Variants in PRKN observed in about 807,000 individuals in gnomAD.
The protein encoded by PRKN is E3 ubiquitin-protein ligase parkin.
Under a neutral mutation model 59.5 loss-of-function variants are expected in PRKN, and 56 were observed. That is an observed-to-expected ratio of 0.94 (90% CI 0.76 to 1.18). The LOEUF (loss-of-function observed/expected upper bound fraction) is 1.18. Ranked by LOEUF, PRKN falls within the 50% of genes most tolerant of loss-of-function variation. The pLI is 0.00. For synonymous variants in PRKN, 250 were observed against 222.1 expected (o/e 1.13, Z -1.12); for missense variants, 657 against 596.4 (o/e 1.10, Z -1.06).
At position 161,385,280 on chromosome 6, in the gene PRKN, C is replaced by A. The variant is rs1175755025; in HGVS notation, c.1167+1514G>T. 6.6e-6 allele frequency among the ~76,000 whole-genome samples: 1 copy of A among 152,112 alleles called. No individual in the cohort carries two copies. Among genetic ancestry groups the A allele is most frequent in the African/African-American group, 2.4e-5 (1 of 41,406 alleles). On this transcript the variant is annotated intron_variant, in intron 10 of 11. Transcript: ENST00000366898. The surrounding 1 kb of genome is among the most constrained non-coding windows in gnomAD (Gnocchi z 4.9). ...CTAGAGAGTCTAGCAGCTGCTTGAC[C>A]CACCCAAATGCTCAACTTAATGTCT...
chr6:162,184,150 G>T (rs1583166094), intron 4 of PRKN, among the ~76,000 whole-genome samples: 1 of 152,132 alleles, frequency 6.6e-6, no homozygotes, highest in Admixed American at 6.6e-5. Flanking sequence ...ATCAACTTTT[G>T]CTAATTAATG....
At chr6:162,198,285 C>A (rs1452520954) in intron 4 of PRKN, among the ~76,000 whole-genome samples, 2 of 152,002 alleles carry the variant, frequency 1.3e-5, no homozygotes, top group African/African-American at 4.8e-5. Flanking sequence ...AGGGATTGAA[C>A]ATCCCTCCCA....
At chr6:162,310,862 G>C (rs1782478408) in intron 2 of PRKN, among the ~76,000 whole-genome samples, 1 of 151,884 alleles carries the variant, frequency 6.6e-6, no homozygotes, top group Non-Finnish European at 1.5e-5. Context: ...CATACCTTTA[G>C]GGTCAATGAA....
chr6:161,930,335 T>C (rs923889130), intron 6 of PRKN, among the ~76,000 whole-genome samples: 3 of 152,224 alleles, frequency 2.0e-5, no homozygotes, highest in African/African-American at 7.2e-5. Flanking sequence ...ATAAATAGTG[T>C]CCAGAAAGCA....
intron 6 of PRKN, among the ~76,000 whole-genome samples, chr6:161,969,280 T>C (rs1780708803): frequency 6.6e-6 from 1 of 151,710 alleles, no homozygotes. Flanking sequence ...TTTTTTTTTT[T>C]TTTTTTAACT....
At chr6:161,815,295 T>C (rs1791728195) in intron 6 of PRKN, among the ~76,000 whole-genome samples, 1 of 152,222 alleles carries the variant, frequency 6.6e-6, no homozygotes, top group East Asian at 1.9e-4. Flanking sequence ...GTATTGTACT[T>C]TGAATTCAAA....
chr6:161,860,050 G>T (rs1344064134), intron 6 of PRKN, among the ~76,000 whole-genome samples: 1 of 152,016 alleles, frequency 6.6e-6, no homozygotes, highest in Non-Finnish European at 1.5e-5. Flanking sequence ...TTATCATGTT[G>T]TCTTCAAGGT....
chr6:162,561,568 AC>A (rs1160739999), intron 1 of PRKN, among the ~76,000 whole-genome samples: 1 of 152,216 alleles, frequency 6.6e-6, no homozygotes, highest in African/African-American at 2.4e-5. Flanking sequence ...ATTTAAAAAA[AC>A]AAAAACAAAA....
chr6:161,888,052 C>T (rs1357434066), intron 6 of PRKN, among the ~76,000 whole-genome samples: 2 of 152,120 alleles, frequency 1.3e-5, no homozygotes, highest in Admixed American at 1.3e-4. Flanking sequence ...TAGTTTTGAA[C>T]ATATGGTTTA....
At chr6:161,513,195 T>C (rs1374794480) in intron 9 of PRKN, among the ~76,000 whole-genome samples, 1 of 152,222 alleles carries the variant, frequency 6.6e-6, no homozygotes, top group African/African-American at 2.4e-5. Flanking sequence ...TCTCAAACTG[T>C]GACGGGATAT....
At chr6:162,286,206 T>C (rs1195659901) in intron 2 of PRKN, among the ~76,000 whole-genome samples, 1 of 150,354 alleles carries the variant, frequency 6.7e-6, no homozygotes, top group African/African-American at 2.5e-5. Flanking sequence ...AAATGCCACA[T>C]TAGGGCACAG....
At chr6:161,404,139 C>A (rs1162012576) in intron 9 of PRKN, among the ~76,000 whole-genome samples, 6 of 152,126 alleles carry the variant, frequency 3.9e-5, no homozygotes, top group Admixed American at 3.3e-4. Flanking sequence ...CTGTACTGAC[C>A]TGATCCTAAA....
At chr6:161,860,755 C>T (rs1046074041) in intron 6 of PRKN, among the ~76,000 whole-genome samples, 2 of 152,080 alleles carry the variant, frequency 1.3e-5, no homozygotes, top group African/African-American at 2.4e-5. Flanking sequence ...TCAACCCCAT[C>T]AAAAGAGGAC....
intron 1 of PRKN, among the ~76,000 whole-genome samples, chr6:162,448,351 T>C (rs1008496785): frequency 3.3e-5 from 5 of 152,168 alleles, no homozygotes; most frequent in Non-Finnish European, 7.3e-5. Context: ...ACCCCATTTT[T>C]CTATATAGAA....
intron 7 of PRKN, among the ~76,000 whole-genome samples, chr6:161,672,119 G>A (rs531218209): frequency 1.3e-4 from 20 of 152,164 alleles, no homozygotes; most frequent in Non-Finnish European, 2.5e-4. Flanking sequence ...TAAATTATTC[G>A]ACCTGCAGGT....
intron 6 of PRKN, among the ~76,000 whole-genome samples, chr6:161,854,199 G>A (rs921448577): frequency 6.6e-6 from 1 of 151,866 alleles, no homozygotes; most frequent in African/African-American, 2.4e-5. Flanking sequence ...AAGTTGCAGT[G>A]AGCCGAGATC....
chr6:162,004,918 C>T (rs973945687), intron 5 of PRKN, among the ~76,000 whole-genome samples: 1 of 152,134 alleles, frequency 6.6e-6, no homozygotes, highest in African/African-American at 2.4e-5. Context: ...GAAGATAATG[C>T]TCTATTTGAA....
At chr6:161,870,281 C>A (rs894241997) in intron 6 of PRKN, among the ~76,000 whole-genome samples, 3 of 152,070 alleles carry the variant, frequency 2.0e-5, no homozygotes, top group African/African-American at 7.3e-5. Flanking sequence ...AGCCCCCCCA[C>A]AGCTCAGCAC....
chr6:161,733,624 C>T (rs2128189041), intron 7 of PRKN, among the ~76,000 whole-genome samples: 1 of 151,896 alleles, frequency 6.6e-6, no homozygotes, highest in East Asian at 1.9e-4. Flanking sequence ...ATTCACTTTG[C>T]TTAACTGAAA....
Sources: allele counts gnomAD v4.1 joint callset (sites outside exome capture counted in the v4.1 genomes callset), GRCh38; gene constraint gnomAD v4.1.1; non-coding constraint Gnocchi (gnomAD v3.1); transcripts MANE v1.5; gene names NCBI Gene and HGNC (gene_info 2026-07-23, HGNC 2026-07-21).